The following KAT14 variants were observed in gnomAD, a reference collection of about 807,000 sequenced individuals.
The protein encoded by KAT14 is cysteine-rich protein 2-binding protein.
KAT14 carries 66 observed loss-of-function variants against 78.4 expected under a neutral mutation model. The ratio of observed to expected loss-of-function variants is 0.84; its 90% confidence interval spans 0.69 to 1.03. The LOEUF (loss-of-function observed/expected upper bound fraction) is 1.03, where lower values mean the gene tolerates loss of function less well. KAT14 is among the 50% of genes least tolerant of loss of function. KAT14 has a pLI of 0.00. For synonymous variants in KAT14, 344 were observed against 359.4 expected (o/e 0.96, Z 0.48); for missense variants, 870 against 972.5 (o/e 0.89, Z 1.40).
chr20:18,142,847 G>T lies in KAT14; in HGVS notation c.187G>T (p.Glu63Ter). ...DQSGDSLNSD[E>*]GDVSWMEEQL... is the part of the protein sequence containing the mutation. ...GAGTGGGGATTCCCTCAACAGTGAT[G>T]AAGGAGACGTGTCTTGGATGGAGGA... Residue 63 changes from glutamate to a stop codon, truncating the protein, a stop_gained, in exon 2 of 11, where the codon GAA becomes TAA. Coordinates refer to ENST00000688188, the MANE Select transcript of KAT14 (RefSeq NM_001392073.1). LOFTEE classifies it high-confidence loss of function. 2 of 1,614,200 alleles carry T rather than the reference G, an allele frequency of 1.2e-6. No homozygotes were observed. The highest frequency in any genetic ancestry group is 8.5e-7 in the Non-Finnish European group (1 of 1,180,030).
chr20:18,159,627 C>G (rs751740819), intron 5 of KAT14, among the ~76,000 whole-genome samples: 12 of 152,200 alleles, frequency 7.9e-5, no homozygotes, highest in Non-Finnish European at 1.8e-4. Context: ...GACATTAACT[C>G]CTGACAGTCT....
intron 3 of KAT14, among the ~76,000 whole-genome samples, chr20:18,146,655 A>C (rs1326657733): frequency 6.6e-6 from 1 of 152,022 alleles, no homozygotes; most frequent in Non-Finnish European, 1.5e-5. Flanking sequence ...GTGAAAGTCC[A>C]TCTCAAAAAA....
Position 18,184,744 on chromosome 20 carries a change from A to T in KAT14, c.2124A>T (p.Glu708Asp). 6.2e-7 allele frequency: 1 copy of T among 1,613,124 alleles called. No individual in the cohort carries two copies. The stretch of plus-strand genomic sequence containing the variant: ...TTTCATTTCTGTTCGTCCACCCTGA[A>T]TGGAGAAGAGCAGGGATTGCAACTT... ...AYISFLFVHPEWRRAGIATFM... is the reference protein window; with the variant it reads ...AYISFLFVHPDWRRAGIATFM... Residue 708 changes from glutamate to aspartate, a missense_variant, in exon 10 of 11, where the codon GAA becomes GAT. Coordinates refer to ENST00000688188, the MANE Select transcript of KAT14 (RefSeq NM_001392073.1).
intron 8 of KAT14, among the ~76,000 whole-genome samples, chr20:18,182,402 G>A (rs979916434): frequency 3.9e-5 from 6 of 152,102 alleles, no homozygotes; most frequent in Admixed American, 3.9e-4. Context: ...GATTACAGGC[G>A]TGAGCCACTG....
chr20:18,161,335 C>G (rs1352111041), intron 5 of KAT14, among the ~76,000 whole-genome samples: 1 of 152,072 alleles, frequency 6.6e-6, no homozygotes, highest in Non-Finnish European at 1.5e-5. Context: ...GATTAAGAGG[C>G]GTGCACCACC....
At chr20:18,186,537 C>T (rs1055770134) in intron 10 of KAT14, among the ~76,000 whole-genome samples, 1 of 152,150 alleles carries the variant, frequency 6.6e-6, no homozygotes, top group Non-Finnish European at 1.5e-5. Flanking sequence ...ATCTCAAGGA[C>T]TCTATCAACT....
intron 8 of KAT14, 68 bp from the exon 9 acceptor site, chr20:18,183,055 C>T (rs1035099284): frequency 1.3e-6 from 2 of 1,535,550 alleles, no homozygotes; most frequent in Non-Finnish European, 1.8e-6. Flanking sequence ...TTATATGAGT[C>T]AAAAAGCTAG....
In KAT14 at chr20:18,164,611, C is replaced by CTTTTTTTTTTTTTT. The variant is rs1568669495; in HGVS notation, c.1668+1668_1668+1669insTTTTTTTTTTTTTT. On this transcript the variant is annotated intron_variant, in intron 7 of 10. Coordinates refer to ENST00000688188, the MANE Select transcript of KAT14 (RefSeq NM_001392073.1). ...TTTGTTAGTCATCTATTCACTTGTT[C>CTTTTTTTTTTTTTT]TTGTTCTTTTTTTTTTTTTTTTTGA... is the stretch of plus-strand genomic sequence containing the variant. Among the ~76,000 whole-genome samples, 11 of 42,492 alleles carry CTTTTTTTTTTTTTT rather than the reference C, an allele frequency of 2.6e-4. 5 individuals are homozygous for CTTTTTTTTTTTTTT. The highest frequency in any genetic ancestry group is 3.3e-4 in the Non-Finnish European group (6 of 17,942). The allele number at this position is 42,492 out of a possible 152,430, so 27.9% of individuals were successfully genotyped here.
intron 9 of KAT14, among the ~76,000 whole-genome samples, chr20:18,184,338 G>C (rs929289101): frequency 1.3e-5 from 2 of 152,132 alleles, no homozygotes; most frequent in Non-Finnish European, 2.9e-5. Context: ...AAAGCCAGCT[G>C]TGTCCAATTC....
At chr20:18,137,781 C>T (rs945788227), upstream of KAT14, 1 of 600,922 alleles carries the variant, frequency 1.7e-6, no homozygotes, top group Non-Finnish European at 2.6e-6. Flanking sequence ...CTGGGCGCCG[C>T]TCTATGCTCG....
chr20:18,163,057 G>C, intron 7 of KAT14, 112 bp downstream of exon 7: 1 of 1,377,824 alleles, frequency 7.3e-7, no homozygotes. Context: ...TGAGTAATTT[G>C]GGAAGAGAAA....
chr20:18,161,582 A>C (rs1378577763), intron 5 of KAT14, among the ~76,000 whole-genome samples: 1 of 152,182 alleles, frequency 6.6e-6, no homozygotes, highest in Non-Finnish European at 1.5e-5. Flanking sequence ...GAGCAATCCA[A>C]ATCTGAAAAT....
chr20:18,183,250 A>G lies in KAT14; in HGVS notation c.1933A>G (p.Asn645Asp), dbSNP rs759632452. The part of the protein sequence containing the change: ...APLDYCYVRP[N>D]HIPTINSMCQ... The stretch of plus-strand genomic sequence containing the variant: ...TCTCGATTACTGTTATGTGCGGCCA[A>G]ATCACATCCCAACGATCAACTCCAT... Residue 645 changes from asparagine to aspartate, a missense_variant, in exon 9 of 11, where the codon AAT becomes GAT. Physicochemically the swap from Asn to Asp is conservative, Grantham distance 23. Coordinates refer to ENST00000688188, the MANE Select transcript of KAT14 (RefSeq NM_001392073.1). The G allele has an allele frequency of 1.9e-6, 3 of 1,614,130 alleles. No homozygotes were observed. The highest frequency in any genetic ancestry group is 1.1e-5 in the South Asian group (1 of 91,070).
intron 7 of KAT14, among the ~76,000 whole-genome samples, chr20:18,172,236 G>A (rs2146480704): frequency 6.6e-6 from 1 of 151,670 alleles, no homozygotes; most frequent in South Asian, 2.1e-4. Flanking sequence ...CGAGTAGCTG[G>A]GACTAAAGGT....
chr20:18,147,574 CT>C (rs2037872661), intron 3 of KAT14, among the ~76,000 whole-genome samples: 3 of 151,936 alleles, frequency 2.0e-5, no homozygotes, highest in Admixed American at 2.0e-4. Flanking sequence ...TTTATTTATT[CT>C]TTTTAAAAAA....
At chr20:18,138,694 G>T (rs1012946595) in intron 1 of KAT14, among the ~76,000 whole-genome samples, 1 of 152,038 alleles carries the variant, frequency 6.6e-6, no homozygotes, top group Admixed American at 6.6e-5. Context: ...ACAGTCTCCA[G>T]ATTTTTTTTT....
At position 18,159,180 on chromosome 20, in the gene KAT14, A is replaced by G; in HGVS notation, c.597A>G (p.Pro199=). The G allele has an allele frequency of 6.2e-7, 1 of 1,614,174 alleles. No homozygotes were observed. The highest frequency in any genetic ancestry group is 8.5e-7 in the Non-Finnish European group (1 of 1,180,002). Residue 199 remains proline (P), a synonymous_variant, in exon 5 of 11, where the codon CCA becomes CCG. Transcript: ENST00000688188. ...FRSGAQEFGE[P]GWWKLVHNKP... ...CAGGTGCTCAGGAATTTGGAGAGCC[A>G]GGATGGTGGAAACTTGTTCATAACA...
chr20:18,152,069 G>A (rs955722713), intron 4 of KAT14, among the ~76,000 whole-genome samples: 4 of 151,704 alleles, frequency 2.6e-5, no homozygotes, highest in African/African-American at 4.8e-5. Flanking sequence ...TTCTTAGAAT[G>A]TTAAAAAATA....
At position 18,183,186 on chromosome 20, in the gene KAT14, C is replaced by T; in HGVS notation, c.1869C>T (p.His623=). The change falls in exon 9 of 11, where the codon CAC becomes CAT. Residue 623 remains histidine (H), a synonymous_variant. Coordinates refer to ENST00000688188, the MANE Select transcript of KAT14 (RefSeq NM_001392073.1). ...QLLSQIRSHL[H]RSDPHWTPEP... is the part of the protein sequence containing the mutation. Reference sequence around the variant, plus strand: ...TGTCACAGATTCGTTCCCACCTGCACAGGAGCGACCCTCACTGGACGCCGG... The same window carrying T: ...TGTCACAGATTCGTTCCCACCTGCATAGGAGCGACCCTCACTGGACGCCGG... 1 of 1,614,068 alleles carries T rather than the reference C, an allele frequency of 6.2e-7. No homozygotes were observed. Among genetic ancestry groups the T allele is most frequent in the Non-Finnish European group, 8.5e-7 (1 of 1,180,004 alleles).
Sources: gnomAD v4.1 joint callset for allele counts (sites outside exome capture counted in the v4.1 genomes callset) on GRCh38, gnomAD v4.1.1 for gene constraint, MANE v1.5 for transcripts, NCBI Gene and HGNC (gene_info 2026-07-23, HGNC 2026-07-21) for gene names.